Variants in PLEKHA7 observed in about 807,000 individuals in gnomAD.
PLEKHA7 encodes the protein pleckstrin homology domain-containing family A member 7.
A neutral mutation model predicts 170.0 loss-of-function variants in PLEKHA7; 104 were observed. The observed-to-expected ratio is 0.61, with a 90% CI of 0.52 to 0.72. The LOEUF is 0.72. Ranked by LOEUF, PLEKHA7 falls within the 30% of genes least tolerant of loss-of-function variation. The pLI is 0.00. For synonymous variants in PLEKHA7, 648 were observed against 660.8 expected, an observed-to-expected ratio of 0.98 and a Z score of 0.30; for missense variants, 1,615 against 1,671.7, an observed-to-expected ratio of 0.97 and a Z score of 0.59.
At chr11:16,878,258 C>A (rs1855455246) in intron 3 of PLEKHA7, among the ~76,000 whole-genome samples, 1 of 152,182 alleles carries the variant, frequency 6.6e-6, no homozygotes, top group Non-Finnish European at 1.5e-5. Context: ...ACTGCAACAG[C>A]CTCCTACCGG....
chr11:16,790,370 G>C (rs186436158), intron 21 of PLEKHA7: 57 of 206,272 alleles, frequency 2.8e-4, no homozygotes, highest in Middle Eastern at 3.8e-3. Context: ...CGGCCTACAG[G>C]GTGCAGTGAC....
At chr11:16,911,536 C>G (rs1473217252) in intron 3 of PLEKHA7, among the ~76,000 whole-genome samples, 1 of 152,184 alleles carries the variant, frequency 6.6e-6, no homozygotes, top group African/African-American at 2.4e-5. Context: ...TCCAAACACA[C>G]ACAGCCAAGG....
At chr11:16,961,650 T>C (rs965557660) in intron 3 of PLEKHA7, among the ~76,000 whole-genome samples, 1 of 152,148 alleles carries the variant, frequency 6.6e-6, no homozygotes, top group Non-Finnish European at 1.5e-5. Flanking sequence ...AGACACACCC[T>C]GGCATCATCA....
chr11:17,005,255 G>A (rs942603736), intron 3 of PLEKHA7, among the ~76,000 whole-genome samples: 1 of 152,230 alleles, frequency 6.6e-6, no homozygotes, highest in Non-Finnish European at 1.5e-5. Flanking sequence ...TGGAGGCTGG[G>A]CCCGGTGGCC....
chr11:16,891,023 C>T (rs1453211254), intron 3 of PLEKHA7, among the ~76,000 whole-genome samples: 5 of 151,516 alleles, frequency 3.3e-5, no homozygotes, highest in African/African-American at 9.7e-5. Flanking sequence ...GCCTCAGCCT[C>T]CTGAGTAGCT....
At chr11:16,846,022 T>A (rs1170956241) in intron 8 of PLEKHA7, among the ~76,000 whole-genome samples, 1 of 152,180 alleles carries the variant, frequency 6.6e-6, no homozygotes, top group African/African-American at 2.4e-5. Context: ...TAGTGGCTCA[T>A]GCCTGTAATC....
intron 3 of PLEKHA7, among the ~76,000 whole-genome samples, chr11:16,874,343 C>T (rs1855112698): frequency 6.6e-6 from 1 of 152,020 alleles, no homozygotes; most frequent in Non-Finnish European, 1.5e-5. Context: ...TTTGTCTCTA[C>T]AAAAAATACA....
chr11:16,783,202 T>G (rs1332815608), intron 25 of PLEKHA7, among the ~76,000 whole-genome samples: 2 of 152,218 alleles, frequency 1.3e-5, no homozygotes, highest in Non-Finnish European at 2.9e-5. Context: ...ATTAAATTTC[T>G]GAAGCTATTG....
At chr11:16,862,279 G>GCCA (rs1306559912) in intron 4 of PLEKHA7, among the ~76,000 whole-genome samples, 17 of 152,048 alleles carry the variant, frequency 1.1e-4, no homozygotes, top group Non-Finnish European at 8.8e-5. Flanking sequence ...ACTGTGTGCC[G>GCCA]CCATCCCCAC....
intron 3 of PLEKHA7, among the ~76,000 whole-genome samples, chr11:16,882,860 TCACACACACACATACACA>T (rs1183376645): frequency 1.3e-5 from 2 of 151,724 alleles, no homozygotes; most frequent in African/African-American, 2.4e-5. Context: ...ATACACATAT[TCACACACACACATACACA>T]CACACACACA....
intron 3 of PLEKHA7, among the ~76,000 whole-genome samples, chr11:16,913,191 T>G (rs1230382666): frequency 6.6e-6 from 1 of 152,182 alleles, no homozygotes; most frequent in Non-Finnish European, 1.5e-5. Context: ...CATTTACCGC[T>G]TGGCCAATGC....
rs545547533 is a variant in PLEKHA7, at chr11:16,873,996, G to A, written c.222-2814C>T. Among the ~76,000 whole-genome samples the A allele has an allele frequency of 6.6e-5, 10 of 152,220 alleles. No individual in the cohort carries two copies. The South Asian group carries it at 2.1e-3, about 32-fold the overall frequency. ...TTTTTCTAGAGACTTATCTCCACTT[G>A]CCAGAGAATCTGAAAATGCAAACTT... On this transcript the variant is annotated intron_variant, in intron 3 of 26. Transcript: ENST00000531066.
At chr11:16,802,411 C>T (rs1020346697) in intron 15 of PLEKHA7, among the ~76,000 whole-genome samples, 1 of 152,168 alleles carries the variant, frequency 6.6e-6, no homozygotes, top group African/African-American at 2.4e-5. Flanking sequence ...CTGGGGTCAT[C>T]ACATATAAGC....
rs778436543 is a variant in PLEKHA7 at position 16,803,186 on chromosome 11, G to A, written c.2076+41C>T. ...AGCTGTTCACCCGGGGTCTGGGTCA[G>A]GAGGCAGCTGAGGGGTCAGCGTGTC... On this transcript the variant is annotated intron_variant, in intron 14 of 26. Transcript: ENST00000531066. 2.5e-6 allele frequency: 4 copies of A among 1,595,170 alleles called. No homozygotes were observed. In the South Asian group the frequency reaches 4.4e-5, roughly 18 times the overall value.
chr11:16,888,656 T>A (rs1434766087), intron 3 of PLEKHA7, among the ~76,000 whole-genome samples: 1 of 150,142 alleles, frequency 6.7e-6, no homozygotes, highest in Admixed American at 6.6e-5. Flanking sequence ...AGCATGCTCC[T>A]TAAGAGTCAT....
At chr11:16,857,780 G>A (rs1481115646) in intron 4 of PLEKHA7, among the ~76,000 whole-genome samples, 3 of 152,228 alleles carry the variant, frequency 2.0e-5, no homozygotes, top group South Asian at 2.1e-4. Context: ...GCGCAGTGGC[G>A]CGATCTCAGT....
At chr11:16,937,804 C>A (rs1860411659) in intron 3 of PLEKHA7, among the ~76,000 whole-genome samples, 1 of 152,070 alleles carries the variant, frequency 6.6e-6, no homozygotes, top group Non-Finnish European at 1.5e-5. Flanking sequence ...GATGGTGTTT[C>A]TCCATGTTGG....
At chr11:16,888,054 T>C (rs1209043023) in intron 3 of PLEKHA7, among the ~76,000 whole-genome samples, 1 of 150,256 alleles carries the variant, frequency 6.7e-6, no homozygotes, top group African/African-American at 2.5e-5. Flanking sequence ...CACCCCGTTC[T>C]GGGAGGTGAG....
At chr11:16,792,067 A>T (rs2134237861) in intron 19 of PLEKHA7, among the ~76,000 whole-genome samples, 1 of 152,272 alleles carries the variant, frequency 6.6e-6, no homozygotes, top group Non-Finnish European at 1.5e-5. Context: ...AGGAAAGAGC[A>T]CTCCAAAGCA....
Sources: allele counts gnomAD v4.1 joint callset (sites outside exome capture counted in the v4.1 genomes callset), GRCh38; gene constraint gnomAD v4.1.1; transcripts MANE v1.5; gene names NCBI Gene and HGNC (gene_info 2026-07-23, HGNC 2026-07-21).